The following CPAMD8 variants were observed in gnomAD, a reference collection of about 807,000 sequenced individuals.
CPAMD8 encodes the protein C3 and PZP like alpha-2-macroglobulin domain containing 8, also known as C3 and PZP-like alpha-2-macroglobulin domain-containing protein 8.
In CPAMD8, 146 loss-of-function variants were observed where a neutral mutation model predicts 224.7. That is an observed-to-expected ratio of 0.65 (90% CI 0.57 to 0.75). CPAMD8 has a LOEUF of 0.75. CPAMD8 is among the 30% of genes least tolerant of loss of function. The pLI is 0.00. For missense variants in CPAMD8, 2,301 were observed against 2,537.5 expected (o/e 0.91, Z 2.00); for synonymous variants, 966 against 1,044.6 (o/e 0.92, Z 1.45).
At position 17,009,113 on chromosome 19, in the gene CPAMD8, C is replaced by T. The variant is rs116426549; in HGVS notation, c.504+190G>A. 9.5e-3 allele frequency: 7,553 copies of T among 792,786 alleles called. 376 individuals carry two copies. The African/African-American group carries it at 0.11, about 12-fold the overall frequency. The allele number at this position is 792,786 out of a possible 1,614,324, so 49.1% of individuals were successfully genotyped here. A position where few individuals can be genotyped will look rare whatever the true frequency, so the allele number is the denominator to read the frequency against. On this transcript the variant is annotated intron_variant, in intron 6 of 41. Coordinates refer to ENST00000443236, the MANE Select transcript of CPAMD8 (RefSeq NM_015692.5). ...CTCCATTTCAAAAAAAAAAAGGAAA[C>T]GGACAGACACACACACAGCCCATCC...
At chr19:16,922,498 C>G (rs1182124006) in intron 26 of CPAMD8, among the ~76,000 whole-genome samples, 1 of 148,518 alleles carries the variant, frequency 6.7e-6, no homozygotes, top group Non-Finnish European at 1.5e-5. Flanking sequence ...AACTGCCCCA[C>G]ACTACATCTG....
intron 7 of CPAMD8, among the ~76,000 whole-genome samples, chr19:17,006,838 G>A (rs1045024924): frequency 2.7e-4 from 41 of 152,178 alleles, no homozygotes; most frequent in Non-Finnish European, 4.7e-4. Flanking sequence ...CCATCTCTGA[G>A]TTTTGAACTT....
chr19:16,906,337 C>CCTTTCTTTCTTTTT (rs2052478507), intron 30 of CPAMD8, among the ~76,000 whole-genome samples: 1 of 81,670 alleles, frequency 1.2e-5, no homozygotes, highest in African/African-American at 4.5e-5. Context: ...TCCTTCTTTC[C>CCTTTCTTTCTTTTT]CTTTCTTTCT....
At chr19:16,906,614 G>A (rs753413298) in intron 30 of CPAMD8, among the ~76,000 whole-genome samples, 2 of 151,494 alleles carry the variant, frequency 1.3e-5, no homozygotes, top group Non-Finnish European at 1.5e-5. Context: ...ATATTGGCCC[G>A]GCTGGTCTCG....
chr19:16,999,517 G>A (rs552847506), intron 10 of CPAMD8, among the ~76,000 whole-genome samples: 29 of 151,280 alleles, frequency 1.9e-4, no homozygotes, highest in Admixed American at 9.9e-4. Flanking sequence ...CCCAGGAGGC[G>A]GAGCTTGCAG....
chr19:17,001,678 C>G (rs1232427784), intron 9 of CPAMD8, among the ~76,000 whole-genome samples: 1 of 151,602 alleles, frequency 6.6e-6, no homozygotes, highest in South Asian at 2.1e-4. Context: ...AGGGAGACAC[C>G]GAGTACTAGG....
rs540406785 is a variant in CPAMD8, at chr19:16,901,799, T to C, written c.4686-502A>G. 4.6e-5 allele frequency among the ~76,000 whole-genome samples: 7 copies of C among 152,080 alleles called. No individual in the cohort carries two copies. In the South Asian group the frequency reaches 1.0e-3, roughly 23 times the overall value. On this transcript the variant is annotated intron_variant, in intron 35 of 41. Transcript: ENST00000443236. ...TATGCCAGGCGCTTCCTATAGGGCG[T>C]TGGGGACAAGGAAGAGGAAGCCAAC...
chr19:16,981,005 G>C (rs933431979), intron 13 of CPAMD8, among the ~76,000 whole-genome samples: 14 of 139,686 alleles, frequency 1.0e-4, no homozygotes, highest in Admixed American at 9.6e-4. Flanking sequence ...TATAATTTTT[G>C]TATTTTTAGT....
At chr19:16,941,236 T>G (rs1277130552) in intron 22 of CPAMD8, among the ~76,000 whole-genome samples, 1 of 152,188 alleles carries the variant, frequency 6.6e-6, no homozygotes, top group Non-Finnish European at 1.5e-5. Flanking sequence ...CCTGGCCTCA[T>G]GGTAGCTTTT....
At chr19:16,954,199 G>A (rs1430681102) in intron 19 of CPAMD8, among the ~76,000 whole-genome samples, 2 of 152,034 alleles carry the variant, frequency 1.3e-5, no homozygotes, top group Non-Finnish European at 2.9e-5. Context: ...CAGGTGTGGT[G>A]GTGCGTGTCT....
At chr19:16,921,849 G>T in intron 27 of CPAMD8, 56 bp downstream of exon 27, 1 of 1,142,290 alleles carries the variant, frequency 8.8e-7, no homozygotes, top group Non-Finnish European at 1.3e-6. Flanking sequence ...TGGATGTGAG[G>T]CCATGGCGTC....
intron 3 of CPAMD8, among the ~76,000 whole-genome samples, chr19:17,017,295 A>C (rs10409554): frequency 0.054 from 8,189 of 152,262 alleles, 587 homozygotes; most frequent in African/African-American, 0.17. Flanking sequence ...TTCTTCAGTT[A>C]TGGTGAGTTA....
At chr19:17,009,804 G>A (rs1385794730) in intron 5 of CPAMD8, among the ~76,000 whole-genome samples, 2 of 151,960 alleles carry the variant, frequency 1.3e-5, no homozygotes, top group Non-Finnish European at 2.9e-5. Flanking sequence ...GGGAAACCAG[G>A]CAGGCACTAC....
intron 19 of CPAMD8, among the ~76,000 whole-genome samples, 198 bp from the exon 20 acceptor site, chr19:16,952,398 C>T (rs1710613151): frequency 6.6e-6 from 1 of 152,168 alleles, no homozygotes. Flanking sequence ...AAAACATGGG[C>T]TGGGCGCAGT....
chr19:16,938,431 G>C lies in CPAMD8; in HGVS notation c.2809C>G (p.Arg937Gly). 1.3e-6 allele frequency: 2 copies of C among 1,575,880 alleles called. No homozygotes were observed. Among genetic ancestry groups the C allele is most frequent in the Non-Finnish European group, 1.7e-6 (2 of 1,162,222 alleles). Reference protein sequence around the residue: ...SVMVEAEGVPRAYTYSAFFCP... With the variant: ...SVMVEAEGVPGAYTYSAFFCP... The stretch of plus-strand genomic sequence containing the variant: ...AAGAATGCGCTGTAGGTGTACGCCC[G>C]GGGGACTCCTTCCGCCTGAAACAAA... The change falls in exon 23 of 42, where the codon CGG becomes GGG. Residue 937 changes from arginine (R) to glycine (G), a missense_variant. This residue lies in a region of CPAMD8 where 1,709 missense variants were observed against 1,753.2 expected (regional missense o/e 0.97). Coordinates refer to ENST00000443236, the MANE Select transcript of CPAMD8 (RefSeq NM_015692.5).
intron 23 of CPAMD8, among the ~76,000 whole-genome samples, chr19:16,930,115 C>T (rs1349987188): frequency 2.0e-5 from 3 of 151,872 alleles, no homozygotes; most frequent in South Asian, 2.1e-4. Flanking sequence ...ATTAGTCGGG[C>T]GTGGGGGTAG....
intron 29 of CPAMD8, among the ~76,000 whole-genome samples, chr19:16,913,959 G>A (rs2052827035): frequency 6.6e-6 from 1 of 152,094 alleles, no homozygotes; most frequent in Non-Finnish European, 1.5e-5. Flanking sequence ...AGAGACTATG[G>A]CCCTCAAGTC....
chr19:17,011,783 G>A, intron 3 of CPAMD8, 26 bp from the exon 4 acceptor site: 1 of 1,606,550 alleles, frequency 6.2e-7, no homozygotes, highest in Middle Eastern at 1.7e-4. Flanking sequence ...GGAGCTTTGG[G>A]ACAAGAATTC....
intron 23 of CPAMD8, among the ~76,000 whole-genome samples, chr19:16,937,058 C>CTCCTTCCTTCCTTCCTTCCTTCCT (rs1392841393): frequency 9.6e-6 from 1 of 104,554 alleles, no homozygotes; most frequent in African/African-American, 5.2e-5. Context: ...CCTTCCTTCC[C>CTCCTTCCTTCCTTCCTTCCTTCCT]TCCTGCCTTC....
Sources: gnomAD v4.1 joint callset for allele counts (sites outside exome capture counted in the v4.1 genomes callset) on GRCh38, gnomAD v4.1.1 for gene constraint, gnomAD v4.1.1 regional missense constraint, MANE v1.5 for transcripts, NCBI Gene and HGNC (gene_info 2026-07-23, HGNC 2026-07-21) for gene names.